Variants in RHBDD1 observed in about 807,000 individuals in gnomAD.
RHBDD1 encodes the protein rhomboid-related protein 4.
RHBDD1 carries 38 observed loss-of-function variants against 36.3 expected under a neutral mutation model. The observed-to-expected ratio is 1.05, with a 90% CI of 0.81 to 1.37. RHBDD1 has a LOEUF of 1.37. Ranked by LOEUF, RHBDD1 falls within the 40% of genes most tolerant of loss-of-function variation. The pLI is 0.00. For missense variants in RHBDD1, 393 were observed against 377.6 expected (o/e 1.04, Z -0.34); for synonymous variants, 151 against 136.5 (o/e 1.11, Z -0.74).
At chr2:226,896,811 AT>A (rs1050596141) in intron 5 of RHBDD1, among the ~76,000 whole-genome samples, 12 of 150,480 alleles carry the variant, frequency 8.0e-5, no homozygotes, top group Admixed American at 1.3e-4. Flanking sequence ...TATCTCAAAA[AT>A]TTTTTTTTTG....
intron 8 of RHBDD1, among the ~76,000 whole-genome samples, chr2:226,976,033 G>C (rs1954509952): frequency 1.3e-5 from 2 of 151,754 alleles, no homozygotes; most frequent in Admixed American, 1.3e-4. Flanking sequence ...GGCCTGTCTG[G>C]TCACAAGTCC....
chr2:226,823,812 C>A, the RHBDD1 span, among the ~76,000 whole-genome samples: 2 of 152,160 alleles, frequency 1.3e-5, no homozygotes. Flanking sequence ...CTTCTGATGG[C>A]CTTCGTGCTG....
chr2:226,981,196 A>G (rs1284215862), intron 8 of RHBDD1, among the ~76,000 whole-genome samples: 1 of 152,154 alleles, frequency 6.6e-6, no homozygotes, highest in Non-Finnish European at 1.5e-5. Context: ...GGTGGGGAAC[A>G]TCATACACTG....
chr2:226,882,617 C>A (rs569259733), intron 5 of RHBDD1, among the ~76,000 whole-genome samples: 1 of 151,930 alleles, frequency 6.6e-6, no homozygotes, highest in Non-Finnish European at 1.5e-5. Context: ...AAACCGCCCC[C>A]CGCCCCGAAC....
At chr2:226,932,972 G>A (rs1400167564) in intron 8 of RHBDD1, among the ~76,000 whole-genome samples, 2 of 152,034 alleles carry the variant, frequency 1.3e-5, no homozygotes, top group Admixed American at 6.6e-5. Flanking sequence ...ACATTGCTGG[G>A]GAGGCCTCAA....
intron 8 of RHBDD1, among the ~76,000 whole-genome samples, chr2:226,991,607 T>C (rs186026118): frequency 6.6e-6 from 1 of 152,364 alleles, no homozygotes; most frequent in Admixed American, 6.5e-5. Context: ...TTTACTGTCA[T>C]GTGGCACTCA....
chr2:226,986,964 T>C (rs1370774878), intron 8 of RHBDD1, among the ~76,000 whole-genome samples: 1 of 152,222 alleles, frequency 6.6e-6, no homozygotes, highest in African/African-American at 2.4e-5. Context: ...AAAGAAAATG[T>C]GGCACATGTA....
rs1416086494 is a variant in RHBDD1 at position 226,987,425 on chromosome 2, C to T, written c.857-8006C>T. Among the ~76,000 whole-genome samples, 4 of 152,200 alleles carry T rather than the reference C, an allele frequency of 2.6e-5. No individual in the cohort carries two copies. The East Asian group carries it at 7.7e-4, about 29-fold the overall frequency. ...ATTGCCAAGGAGCATAGCATGGCTGCTTCTGTGCCCAGCTGCCAAAAGTCA... is the reference window on the plus strand; with the variant it reads ...ATTGCCAAGGAGCATAGCATGGCTGTTTCTGTGCCCAGCTGCCAAAAGTCA... On this transcript the variant is annotated intron_variant, in intron 8 of 8. Coordinates refer to ENST00000392062, the MANE Select transcript of RHBDD1 (RefSeq NM_001167608.3).
At chr2:226,946,308 C>T (rs1575197667) in intron 8 of RHBDD1, among the ~76,000 whole-genome samples, 1 of 152,022 alleles carries the variant, frequency 6.6e-6, no homozygotes, top group African/African-American at 2.4e-5. Context: ...TTTAATCCAT[C>T]TTGAGTTAAT....
Position 226,997,681 on chromosome 2 carries a change from A to C in RHBDD1, c.*2159A>C, listed in dbSNP as rs1490132232. 6.6e-6 allele frequency: 1 copy of C among 152,104 alleles called. No homozygotes were observed. The highest frequency in any genetic ancestry group is 1.5e-5 in the Non-Finnish European group (1 of 68,012). The allele number at this position is 152,104 out of a possible 1,614,324, so 9.4% of individuals were successfully genotyped here. On this transcript the variant is annotated 3_prime_UTR_variant, in exon 9 of 9. Coordinates refer to ENST00000392062, the MANE Select transcript of RHBDD1 (RefSeq NM_001167608.3). ...TAGTAGTACTTCCTTGCTCTGTTTG[A>C]CTTGTCAGATACAAAGACACGGGAT...
chr2:226,848,372 G>T (rs1295425772), intron 3 of RHBDD1, among the ~76,000 whole-genome samples: 1 of 152,168 alleles, frequency 6.6e-6, no homozygotes, highest in Admixed American at 6.5e-5. Flanking sequence ...TCTTGGGAAA[G>T]ACTATTCCTA....
At chr2:226,838,660 A>T (rs1941281265) in intron 2 of RHBDD1, among the ~76,000 whole-genome samples, 1 of 152,242 alleles carries the variant, frequency 6.6e-6, no homozygotes. Flanking sequence ...ACTTTATGCC[A>T]TTCATTTTAT....
At chr2:226,861,370 G>T (rs1424743425) in intron 3 of RHBDD1, among the ~76,000 whole-genome samples, 3 of 152,176 alleles carry the variant, frequency 2.0e-5, no homozygotes, top group African/African-American at 7.2e-5. Context: ...GAGGTGCGAA[G>T]GGATGCAGAC....
At chr2:226,908,298 G>A (rs1948219512) in intron 6 of RHBDD1, 1 of 152,274 alleles carries the variant, frequency 6.6e-6, no homozygotes, top group African/African-American at 2.4e-5. Flanking sequence ...TGGAAGAGGA[G>A]GGTCACCCTG....
At chr2:226,854,188 T>A (rs544510263) in intron 3 of RHBDD1, among the ~76,000 whole-genome samples, 24 of 152,302 alleles carry the variant, frequency 1.6e-4, no homozygotes, top group Middle Eastern at 3.4e-3. Flanking sequence ...TTTCAGGCAT[T>A]ATTCTAAGTG....
chr2:226,844,559 C>G (rs1942018116), intron 3 of RHBDD1, among the ~76,000 whole-genome samples: 1 of 152,128 alleles, frequency 6.6e-6, no homozygotes, highest in Admixed American at 6.5e-5. Flanking sequence ...TAAATGAGAG[C>G]AGGGAGTGGT....
chr2:226,993,841 TAAC>T (rs1958803624), intron 8 of RHBDD1, among the ~76,000 whole-genome samples: 5 of 152,248 alleles, frequency 3.3e-5, no homozygotes, highest in Non-Finnish European at 7.3e-5. Context: ...CTGCTTTCTC[TAAC>T]ATCTTTTCAC....
intron 8 of RHBDD1, among the ~76,000 whole-genome samples, chr2:226,923,225 C>T (rs1949446739): frequency 6.6e-6 from 1 of 152,158 alleles, no homozygotes; most frequent in Non-Finnish European, 1.5e-5. Flanking sequence ...GATGAAATCT[C>T]TCAGCTTTTC....
At chr2:226,869,663 CCA>C (rs1219262210) in intron 5 of RHBDD1, among the ~76,000 whole-genome samples, 1 of 152,158 alleles carries the variant, frequency 6.6e-6, no homozygotes, top group Non-Finnish European at 1.5e-5. Flanking sequence ...GAAAGCCACC[CCA>C]AATAGGCATC....
Sources: allele counts gnomAD v4.1 joint callset (sites outside exome capture counted in the v4.1 genomes callset), GRCh38; gene constraint gnomAD v4.1.1; transcripts MANE v1.5; gene names NCBI Gene and HGNC (gene_info 2026-07-23, HGNC 2026-07-21).